GPHN: variants seen among roughly 807,000 people sequenced by gnomAD.
GPHN encodes the protein gephyrin.
GPHN carries 17 observed loss-of-function variants against 95.5 expected under a neutral mutation model. That is an observed-to-expected ratio of 0.18 (90% CI 0.12 to 0.27). The LOEUF (loss-of-function observed/expected upper bound fraction) is 0.27. Among genes scored for constraint, GPHN ranks in the 10% least tolerant of loss-of-function variants. GPHN has a pLI of 1.00. For synonymous variants in GPHN, 320 were observed against 322.5 expected, an observed-to-expected ratio of 0.99 and a Z score of 0.08; for missense variants, 660 against 978.1, an observed-to-expected ratio of 0.67 and a Z score of 4.34.
intron 8 of GPHN, among the ~76,000 whole-genome samples, chr14:66,942,629 A>G (rs2067494537): frequency 6.6e-6 from 1 of 152,204 alleles, no homozygotes; most frequent in Non-Finnish European, 1.5e-5. Context: ...CATATACTTT[A>G]GACATTAGAA....
chr14:66,558,941 T>C (rs909375315), intron 1 of GPHN, among the ~76,000 whole-genome samples: 2 of 139,430 alleles, frequency 1.4e-5, no homozygotes, highest in African/African-American at 5.3e-5. Flanking sequence ...CCTGTGTCCA[T>C]GTGTTCTCAT....
At chr14:67,269,023 T>C in the GPHN span, among the ~76,000 whole-genome samples, 1 of 152,286 alleles carries the variant, frequency 6.6e-6, no homozygotes, top group Non-Finnish European at 1.5e-5. Context: ...TGGCCATAAT[T>C]CTCCCACCCA....
chr14:67,387,147 G>C, the GPHN span: 2 of 525,460 alleles, frequency 3.8e-6, no homozygotes, highest in Non-Finnish European at 6.5e-6. Context: ...TTTGTAACAT[G>C]AAGATGGGGA....
At chr14:67,710,592 CA>C in the GPHN span, among the ~76,000 whole-genome samples, 7 of 151,638 alleles carry the variant, frequency 4.6e-5, no homozygotes, top group South Asian at 6.2e-4. Flanking sequence ...AGCTTTCTTA[CA>C]AAAAAAATCT....
chr14:66,733,193 G>GCTAGGTCTCTCTTGCTTGTC (rs1449157560), intron 2 of GPHN, among the ~76,000 whole-genome samples: 3 of 151,886 alleles, frequency 2.0e-5, no homozygotes, highest in African/African-American at 7.2e-5. Flanking sequence ...CCCTGCTTGT[G>GCTAGGTCTCTCTTGCTTGTC]CTAGGTCTCT....
intron 1 of GPHN, among the ~76,000 whole-genome samples, chr14:66,636,532 A>C (rs2064106928): frequency 6.6e-6 from 1 of 152,156 alleles, no homozygotes; most frequent in African/African-American, 2.4e-5. Flanking sequence ...GTTGAGTTAT[A>C]ATATTTTACT....
the GPHN span, among the ~76,000 whole-genome samples, chr14:67,519,375 A>G: frequency 1.3e-5 from 2 of 152,250 alleles, no homozygotes; most frequent in African/African-American, 4.8e-5. Flanking sequence ...TTGGGAATCC[A>G]GGTAATGGGA....
In GPHN at chr14:66,924,058, G is replaced by C. The variant is rs2066351375; in HGVS notation, c.730-136G>C. The C allele has an allele frequency of 4.3e-5, 29 of 678,998 alleles. No individual in the cohort carries two copies. In the South Asian group the frequency reaches 4.3e-4, roughly 10 times the overall value. 42.1% of individuals were successfully genotyped at this position (678,998 alleles called of 1,614,324 possible). A position where few individuals can be genotyped will look rare whatever the true frequency, so the allele number is the denominator to read the frequency against. On this transcript the variant is annotated intron_variant, in intron 7 of 22. Coordinates refer to ENST00000478722, the MANE Select transcript of GPHN (RefSeq NM_020806.5). ...GGCATTTAAAATCTAAGCTGATTCT[G>C]TCATTCTACATTTGGAAAATGTTAG... is the stretch of plus-strand genomic sequence containing the variant.
intron 1 of GPHN, among the ~76,000 whole-genome samples, chr14:66,605,725 G>C (rs931035876): frequency 1.3e-5 from 2 of 151,600 alleles, no homozygotes; most frequent in African/African-American, 4.8e-5. Flanking sequence ...GTAGAGACGG[G>C]GTTTCACTGT....
chr14:66,780,800 C>T (rs1019152307), intron 3 of GPHN, among the ~76,000 whole-genome samples: 2 of 152,124 alleles, frequency 1.3e-5, no homozygotes, highest in African/African-American at 4.8e-5. Context: ...AAATCAGTTA[C>T]AATCGTTTTT....
At chr14:67,477,704 C>T in the GPHN span, among the ~76,000 whole-genome samples, 21 of 152,260 alleles carry the variant, frequency 1.4e-4, 1 homozygote, top group South Asian at 2.7e-3. Context: ...GCAGAAGGAT[C>T]GCTCGAGCCC....
At chr14:67,171,116 A>G (rs1567443631) in intron 21 of GPHN, among the ~76,000 whole-genome samples, 1 of 152,208 alleles carries the variant, frequency 6.6e-6, no homozygotes, top group Non-Finnish European at 1.5e-5. Flanking sequence ...CAGGAGGCTC[A>G]GGCAGGAGGA....
chr14:67,077,065 T>G (rs2153660714), intron 11 of GPHN, among the ~76,000 whole-genome samples: 1 of 152,322 alleles, frequency 6.6e-6, no homozygotes, highest in South Asian at 2.1e-4. Flanking sequence ...TTTCAGTTCT[T>G]CTAACATCTT....
chr14:66,905,512 G>C (rs2065335938), intron 5 of GPHN, among the ~76,000 whole-genome samples: 1 of 152,008 alleles, frequency 6.6e-6, no homozygotes, highest in Non-Finnish European at 1.5e-5. Context: ...TCTTTGCATT[G>C]GAGGATTAGT....
intron 11 of GPHN, among the ~76,000 whole-genome samples, chr14:67,088,645 GA>G (rs1260578099): frequency 6.6e-6 from 1 of 152,184 alleles, no homozygotes; most frequent in African/African-American, 2.4e-5. Context: ...CAATGGGTAT[GA>G]AAACGTTTAA....
At chr14:66,689,581 A>T (rs557989646) in intron 2 of GPHN, among the ~76,000 whole-genome samples, 1 of 152,284 alleles carries the variant, frequency 6.6e-6, no homozygotes, top group African/African-American at 2.4e-5. Flanking sequence ...AGTTTTGAAG[A>T]ATTGCCTCCT....
In GPHN at chr14:67,173,937, C is replaced by A. The variant is rs551936412; in HGVS notation, c.2079+4901C>A. ...AAAATGCAATAGAGAGCTTCAATAA[C>A]AGACTTTGTCAGGCCGAAGACTTTC... On this transcript the variant is annotated intron_variant, in intron 21 of 22. Coordinates refer to ENST00000478722, the MANE Select transcript of GPHN (RefSeq NM_020806.5). 3.5e-4 allele frequency among the ~76,000 whole-genome samples: 53 copies of A among 152,024 alleles called. 1 individual carries two copies. Among genetic ancestry groups the A allele is most frequent in the African/African-American group, 1.3e-3 (53 of 41,480 alleles).
At chr14:67,141,549 T>A (rs1246485023) in intron 17 of GPHN, among the ~76,000 whole-genome samples, 1 of 152,188 alleles carries the variant, frequency 6.6e-6, no homozygotes, top group Non-Finnish European at 1.5e-5. Flanking sequence ...CATTTAATCC[T>A]CATAACAACC....
At chr14:66,810,373 A>T (rs969089577) in intron 3 of GPHN, among the ~76,000 whole-genome samples, 3 of 151,662 alleles carry the variant, frequency 2.0e-5, no homozygotes, top group African/African-American at 7.3e-5. Context: ...TTTTTTGTTA[A>T]AGATTTTTAA....
Sources: allele counts gnomAD v4.1 joint callset (sites outside exome capture counted in the v4.1 genomes callset), GRCh38; gene constraint gnomAD v4.1.1; transcripts MANE v1.5; gene names NCBI Gene and HGNC (gene_info 2026-07-23, HGNC 2026-07-21).